TMEM74: variants seen among roughly 807,000 people sequenced by gnomAD.
TMEM74 encodes the protein transmembrane protein 74.
A neutral mutation model predicts 18.1 loss-of-function variants in TMEM74; 13 were observed. The observed-to-expected ratio is 0.72, with a 90% CI of 0.47 to 1.14. TMEM74 has a LOEUF of 1.14. TMEM74 is among the 50% of genes most tolerant of loss of function. The pLI is 0.00. For missense variants in TMEM74, 372 were observed against 375.9 expected (o/e 0.99, Z 0.09); for synonymous variants, 159 against 146.6 (o/e 1.08, Z -0.61).
chr8:108,660,198 C>G (rs960969578), intron 1 of TMEM74, among the ~76,000 whole-genome samples: 1 of 152,190 alleles, frequency 6.6e-6, no homozygotes, highest in Non-Finnish European at 1.5e-5. Flanking sequence ...ACTCATTCAC[C>G]AGTCATCAAA....
chr8:108,734,416 GTCTA>G (rs775640067), intron 1 of TMEM74, among the ~76,000 whole-genome samples: 38 of 152,188 alleles, frequency 2.5e-4, no homozygotes, highest in Admixed American at 5.2e-4. Flanking sequence ...CCTTTCATCA[GTCTA>G]TCTATCTGTT....
chr8:108,631,606 G>A (rs1004768825), intron 2 of TMEM74, among the ~76,000 whole-genome samples: 3 of 151,968 alleles, frequency 2.0e-5, no homozygotes, highest in Non-Finnish European at 2.9e-5. Context: ...GCTTAAAGAT[G>A]CCGGATATTA....
downstream of TMEM74, among the ~76,000 whole-genome samples, chr8:108,776,443 AGATCAC>A (rs1309435854): frequency 6.6e-6 from 1 of 152,248 alleles, no homozygotes; most frequent in Admixed American, 6.5e-5. Flanking sequence ...CAGTGAGCCA[AGATCAC>A]GCCAGTGCAC....
intron 2 of TMEM74, among the ~76,000 whole-genome samples, chr8:108,625,684 A>G (rs1322091106): frequency 6.6e-6 from 1 of 151,980 alleles, no homozygotes; most frequent in Non-Finnish European, 1.5e-5. Context: ...CAATGTGCCT[A>G]CACTGTTGCC....
intron 2 of TMEM74, among the ~76,000 whole-genome samples, chr8:108,621,110 A>G (rs569285041): frequency 3.3e-5 from 5 of 152,324 alleles, no homozygotes; most frequent in African/African-American, 1.2e-4. Flanking sequence ...GCCTCAAAGT[A>G]GACCCCAAGA....
chr8:108,654,479 T>A (rs1586248787), intron 2 of TMEM74, among the ~76,000 whole-genome samples: 1 of 152,216 alleles, frequency 6.6e-6, no homozygotes, highest in East Asian at 1.9e-4. Flanking sequence ...TGTTCTTAGG[T>A]AAAGAAAGGG....
chr8:108,658,377 T>C (rs1812867155), intron 1 of TMEM74, among the ~76,000 whole-genome samples: 1 of 152,090 alleles, frequency 6.6e-6, no homozygotes, highest in African/African-American at 2.4e-5. Flanking sequence ...TTCTTTTATG[T>C]CATGTGCTTA....
chr8:108,687,470 A>G (rs1289054232), intron 1 of TMEM74, among the ~76,000 whole-genome samples: 2 of 152,108 alleles, frequency 1.3e-5, no homozygotes, highest in Non-Finnish European at 2.9e-5. Context: ...TGTCACGGAC[A>G]GGGTCGAGGA....
intron 1 of TMEM74, among the ~76,000 whole-genome samples, chr8:108,744,259 T>G (rs1813828123): frequency 6.6e-6 from 1 of 152,132 alleles, no homozygotes; most frequent in African/African-American, 2.4e-5. Flanking sequence ...GACCAGAATT[T>G]TCCCTACTCA....
At position 108,642,768 on chromosome 8, in the gene TMEM74, G is replaced by A. The variant is rs530883450; in HGVS notation, n.264+12525C>T. Among the ~76,000 whole-genome samples, 6 of 152,226 alleles carry A rather than the reference G, an allele frequency of 3.9e-5. No individual in the cohort carries two copies. The East Asian group carries it at 1.2e-3, about 29-fold the overall frequency. Reference sequence around the variant, plus strand: ...GAATTTAGTTAAACAGTCACACTCAGGAATATTGCAAGGCACATCTGTTTT... The same window carrying A: ...GAATTTAGTTAAACAGTCACACTCAAGAATATTGCAAGGCACATCTGTTTT... On this transcript the variant is annotated intron_variant and non_coding_transcript_variant, in intron 2 of 3. Transcript: ENST00000518838.
chr8:108,697,493 T>G (rs1419805451), intron 1 of TMEM74, among the ~76,000 whole-genome samples: 1 of 152,176 alleles, frequency 6.6e-6, no homozygotes, highest in East Asian at 1.9e-4. Flanking sequence ...CATGGCTCAC[T>G]GCAGCCTTGA....
At chr8:108,707,988 A>G (rs1336414569) in intron 1 of TMEM74, among the ~76,000 whole-genome samples, 1 of 152,136 alleles carries the variant, frequency 6.6e-6, no homozygotes, top group Non-Finnish European at 1.5e-5. Context: ...GGTAAGAAGC[A>G]TAGTACTTGG....
chr8:108,683,648 CATGTA>C (rs1813137911), intron 1 of TMEM74, among the ~76,000 whole-genome samples: 1 of 151,912 alleles, frequency 6.6e-6, no homozygotes, highest in Non-Finnish European at 1.5e-5. Flanking sequence ...TATTTCGATA[CATGTA>C]ATGTATAGTG....
chr8:108,680,581 G>A (rs894166497), intron 1 of TMEM74, among the ~76,000 whole-genome samples: 5 of 152,152 alleles, frequency 3.3e-5, no homozygotes, highest in Non-Finnish European at 7.3e-5. Flanking sequence ...GCAAAACCTG[G>A]AAGCATTCCC....
intron 2 of TMEM74, among the ~76,000 whole-genome samples, chr8:108,620,298 A>G (rs1357157807): frequency 6.6e-6 from 1 of 152,188 alleles, no homozygotes; most frequent in South Asian, 2.1e-4. Flanking sequence ...GACCATAAAT[A>G]TGTAGAATTT....
At chr8:108,628,108 T>G (rs1354090128) in intron 2 of TMEM74, among the ~76,000 whole-genome samples, 3 of 151,894 alleles carry the variant, frequency 2.0e-5, no homozygotes, top group African/African-American at 7.3e-5. Flanking sequence ...AAATAAAGAC[T>G]CAGAATGGCT....
At chr8:108,734,479 C>A (rs1813726029) in intron 1 of TMEM74, among the ~76,000 whole-genome samples, 1 of 151,930 alleles carries the variant, frequency 6.6e-6, no homozygotes, top group Non-Finnish European at 1.5e-5. Flanking sequence ...CCTAATATAC[C>A]TCTCATTCAT....
chr8:108,784,417 G>C lies in TMEM74; in HGVS notation c.682C>G (p.Leu228Val). The C allele has an allele frequency of 6.2e-7, 1 of 1,614,150 alleles. No individual in the cohort carries two copies. Residue 228 changes from leucine (L) to valine (V), a missense_variant, in exon 2 of 2, where the codon CTG (leucine) becomes GTG (valine). Physicochemically the swap from Leu to Val is conservative, Grantham distance 32 (BLOSUM62 1). Coordinates refer to ENST00000297459, the MANE Select transcript of TMEM74 (RefSeq NM_153015.3). ...AGCCCCGCAATCACACAGCGGTCCAGGTGAGCCCCCAGCCTCGCACTCTCC... is the reference window on the plus strand; with the variant it reads ...AGCCCCGCAATCACACAGCGGTCCACGTGAGCCCCCAGCCTCGCACTCTCC... ...EKESARLGAH[L>V]DRCVIAGLCL... is the part of the protein sequence containing the mutation.
At chr8:108,709,519 G>A (rs1034693869) in intron 1 of TMEM74, among the ~76,000 whole-genome samples, 3 of 152,080 alleles carry the variant, frequency 2.0e-5, no homozygotes, top group Non-Finnish European at 2.9e-5. Context: ...GTTGCCAGGG[G>A]CAGGGGAGTA....
Sources: allele counts gnomAD v4.1 joint callset (sites outside exome capture counted in the v4.1 genomes callset), GRCh38; gene constraint gnomAD v4.1.1; transcripts MANE v1.5; gene names NCBI Gene and HGNC (gene_info 2026-07-23, HGNC 2026-07-21).